The following NLGN4X variants were observed in gnomAD, a reference collection of about 807,000 sequenced individuals.
The protein encoded by NLGN4X is neuroligin 4 X-linked.
In NLGN4X, 3 loss-of-function variants were observed where a neutral mutation model predicts 40.3. The observed-to-expected ratio is 0.07, with a 90% CI of 0.03 to 0.19. The LOEUF is 0.19. Among genes scored for constraint, NLGN4X ranks in the 10% least tolerant of loss-of-function variants. The pLI is 1.00. For missense variants in NLGN4X, 382 were observed against 708.3 expected (o/e 0.54, Z 5.23); for synonymous variants, 270 against 306.8 (o/e 0.88, Z 1.25).
intron 3 of NLGN4X, among the ~76,000 whole-genome samples, chrX:5,963,649 G>C (rs182725676): frequency 9.8e-5 from 11 of 111,833 alleles, no homozygotes; most frequent in African/African-American, 3.6e-4. Flanking sequence ...AGGTTCAGAG[G>C]AACCACACTA....
intron 1 of NLGN4X, among the ~76,000 whole-genome samples, chrX:6,200,080 T>C (rs1375011258): frequency 8.9e-6 from 1 of 112,091 alleles, no homozygotes; most frequent in Non-Finnish European, 1.9e-5. Flanking sequence ...ATTAAATGAA[T>C]ATCTATAGAG....
At chrX:6,097,205 G>A (rs1313186995) in intron 2 of NLGN4X, among the ~76,000 whole-genome samples, 1 of 102,547 alleles carries the variant, frequency 9.8e-6, no homozygotes, top group Admixed American at 1.1e-4. Flanking sequence ...ATCTTTGCCT[G>A]ATATTAATAG....
In NLGN4X at chrX:6,207,395, A is replaced by C. The variant is rs1039094883; in HGVS notation, c.-306+21146T>G. 4.5e-5 allele frequency among the ~76,000 whole-genome samples: 5 copies of C among 111,856 alleles called. No individual in the cohort carries two copies. The Admixed American group carries it at 4.8e-4, about 11-fold the overall frequency. On this transcript the variant is annotated intron_variant, in intron 1 of 5. Coordinates refer to ENST00000381095, the MANE Select transcript of NLGN4X (RefSeq NM_181332.3). ...TGGCTGGAGCCTGATTTATTGACCT[A>C]TTTCCTTGTAGAGCAAAAACTTATT...
chrX:6,116,578 G>A (rs1445239996), intron 2 of NLGN4X, among the ~76,000 whole-genome samples: 11 of 72,766 alleles, frequency 1.5e-4, no homozygotes, highest in African/African-American at 3.5e-4. Flanking sequence ...CTCAGCCCCC[G>A]CCTCCCAGGT....
At chrX:5,943,418 C>T (rs1252750212) in intron 3 of NLGN4X, among the ~76,000 whole-genome samples, 1 of 111,787 alleles carries the variant, frequency 8.9e-6, no homozygotes, top group Non-Finnish European at 1.9e-5. Flanking sequence ...ACCATCCGAG[C>T]TACTCACACT....
chrX:5,978,305 TTTC>T (rs2035260547), intron 3 of NLGN4X, among the ~76,000 whole-genome samples: 1 of 93,383 alleles, frequency 1.1e-5, no homozygotes, highest in Non-Finnish European at 2.1e-5. Flanking sequence ...TCTTTCTTTC[TTTC>T]TTTCTTTCTT....
Position 6,008,392 on chromosome X carries a change from T to G in NLGN4X, c.625+20888A>C, listed in dbSNP as rs186593472. ...AATAGTATCCAGCCATAAACCAGCATGCGGTACTGATTGATACATGCTACA... is the reference window on the plus strand; with the variant it reads ...AATAGTATCCAGCCATAAACCAGCAGGCGGTACTGATTGATACATGCTACA... On this transcript the variant is annotated intron_variant, in intron 3 of 5. Transcript: ENST00000381095. Among the ~76,000 whole-genome samples the G allele has an allele frequency of 3.2e-3, 361 of 112,178 alleles. 2 individuals are homozygous for G. The highest frequency in any genetic ancestry group is 0.011 in the African/African-American group (341 of 30,954).
chrX:6,197,822 G>A (rs1471365975), intron 1 of NLGN4X, among the ~76,000 whole-genome samples: 2 of 110,186 alleles, frequency 1.8e-5, no homozygotes, highest in Non-Finnish European at 3.8e-5. Context: ...CCAGCACTTC[G>A]GGAGGCTGAG....
chrX:5,992,668 A>G (rs778273475), intron 3 of NLGN4X, among the ~76,000 whole-genome samples: 1 of 111,724 alleles, frequency 9.0e-6, no homozygotes, highest in South Asian at 3.8e-4. Context: ...TACAAGAAGC[A>G]TGGTACCAGC....
chrX:6,204,994 G>A (rs763835675), intron 1 of NLGN4X, among the ~76,000 whole-genome samples: 11 of 111,529 alleles, frequency 9.9e-5, no homozygotes, highest in Non-Finnish European at 1.7e-4. Context: ...ACAACACATC[G>A]CTGAGGGTCT....
At chrX:6,080,618 C>T (rs2038323766) in intron 2 of NLGN4X, among the ~76,000 whole-genome samples, 1 of 111,547 alleles carries the variant, frequency 9.0e-6, no homozygotes, top group Non-Finnish European at 1.9e-5. Context: ...CCATAATTAG[C>T]TTCTTCCTAA....
intron 3 of NLGN4X, among the ~76,000 whole-genome samples, chrX:6,009,027 T>C (rs1229027683): frequency 4.5e-5 from 5 of 111,256 alleles, no homozygotes; most frequent in Non-Finnish European, 9.4e-5. Flanking sequence ...GTATCAGAAT[T>C]TCCTTTCTTT....
intron 3 of NLGN4X, among the ~76,000 whole-genome samples, chrX:5,958,606 T>C (rs2034567796): frequency 8.9e-6 from 1 of 111,849 alleles, no homozygotes; most frequent in Admixed American, 9.5e-5. Flanking sequence ...AAAAAGCTCC[T>C]GAAGTTGGTA....
At position 5,891,193 on chromosome X, in the gene NLGN4X, C is replaced by T. The variant is rs771556547; in HGVS notation, c.*1624G>A. ...TGTTGGAAAGACAAATCTCTGATCC[C>T]TAGGTCACCAATTTAAAATGGGTGA... On this transcript the variant is annotated 3_prime_UTR_variant, in exon 6 of 6. Transcript: ENST00000381095. 2.2e-5 allele frequency: 5 copies of T among 231,633 alleles called. No homozygotes were observed. The highest frequency in any genetic ancestry group is 3.1e-5 in the Non-Finnish European group (4 of 127,783). 19.1% of individuals were successfully genotyped at this position (231,633 alleles called of 1,213,427 possible).
At chrX:5,945,347 T>C (rs763458323) in intron 3 of NLGN4X, among the ~76,000 whole-genome samples, 1 of 111,534 alleles carries the variant, frequency 9.0e-6, no homozygotes, top group African/African-American at 3.3e-5. Context: ...AACAGATGCA[T>C]GGTGTGATTC....
At chrX:6,213,537 C>T (rs1027157244) in intron 1 of NLGN4X, among the ~76,000 whole-genome samples, 1 of 112,114 alleles carries the variant, frequency 8.9e-6, no homozygotes, top group Non-Finnish European at 1.9e-5. Flanking sequence ...ACGTAAGATG[C>T]GATATGCGTG....
At chrX:6,182,767 AACG>A (rs1172198021) in intron 1 of NLGN4X, among the ~76,000 whole-genome samples, 1 of 111,423 alleles carries the variant, frequency 9.0e-6, no homozygotes, top group African/African-American at 3.3e-5. Context: ...CATGGGGGAA[AACG>A]ACAAGGAGAA....
intron 1 of NLGN4X, among the ~76,000 whole-genome samples, chrX:6,188,349 G>T (rs1922259361): frequency 8.9e-6 from 1 of 111,932 alleles, no homozygotes; most frequent in Admixed American, 9.5e-5. Flanking sequence ...AGATAGAGGA[G>T]AAATCTTTTT....
intron 2 of NLGN4X, among the ~76,000 whole-genome samples, chrX:6,062,801 C>A (rs1470579052): frequency 9.0e-6 from 1 of 111,011 alleles, no homozygotes; most frequent in Non-Finnish European, 1.9e-5. Context: ...CTCCTCCTTG[C>A]CCTCTGCTAT....
Sources: gnomAD v4.1 joint callset for allele counts (sites outside exome capture counted in the v4.1 genomes callset) on GRCh38, gnomAD v4.1.1 for gene constraint, MANE v1.5 for transcripts, NCBI Gene and HGNC (gene_info 2026-07-23, HGNC 2026-07-21) for gene names.